The following SDK2 variants were observed in gnomAD, a reference collection of about 807,000 sequenced individuals.
The protein encoded by SDK2 is sidekick cell adhesion molecule 2, also known as protein sidekick-2.
Under a neutral mutation model 253.9 loss-of-function variants are expected in SDK2, and 105 were observed. That is an observed-to-expected ratio of 0.41 (90% confidence interval 0.35 to 0.49). The LOEUF is 0.49. Ranked by LOEUF, SDK2 falls within the 20% of genes least tolerant of loss-of-function variation. The pLI is 0.06. For synonymous variants in SDK2, 1,249 were observed against 1,234.9 expected, an observed-to-expected ratio of 1.01 and a Z score of -0.24; for missense variants, 2,608 against 3,003.0, an observed-to-expected ratio of 0.87 and a Z score of 3.07.
intron 1 of SDK2, among the ~76,000 whole-genome samples, chr17:73,537,872 G>A (rs1020000669): frequency 6.6e-6 from 1 of 152,180 alleles, no homozygotes. Context: ...ATGACACCGC[G>A]GGAAAAATAA....
intron 16 of SDK2, among the ~76,000 whole-genome samples, chr17:73,417,467 CT>C (rs1286162142): frequency 6.6e-6 from 1 of 152,070 alleles, no homozygotes; most frequent in East Asian, 1.9e-4. Flanking sequence ...GTGAGCACCC[CT>C]AGCCCCCACA....
intron 1 of SDK2, among the ~76,000 whole-genome samples, chr17:73,590,970 G>C (rs896808110): frequency 5.9e-5 from 9 of 152,014 alleles, no homozygotes; most frequent in Non-Finnish European, 1.3e-4. Flanking sequence ...CCCAGGCTGG[G>C]GTGCAGTTGC....
intron 1 of SDK2, among the ~76,000 whole-genome samples, chr17:73,529,281 C>T (rs1240425458): frequency 6.6e-6 from 1 of 152,124 alleles, no homozygotes; most frequent in East Asian, 1.9e-4. Flanking sequence ...ACAGAGATTT[C>T]ACTCGGGTCT....
intron 2 of SDK2, among the ~76,000 whole-genome samples, chr17:73,482,554 C>G (rs538491662): frequency 6.6e-6 from 1 of 152,354 alleles, no homozygotes; most frequent in African/African-American, 2.4e-5. Flanking sequence ...TGTTATCGAG[C>G]TGGGGGCCGC....
chr17:73,440,705 C>G (rs1567774702), intron 6 of SDK2, 107 bp downstream of exon 6: 1 of 806,236 alleles, frequency 1.2e-6, no homozygotes, highest in Non-Finnish European at 2.1e-6. Flanking sequence ...CTCCCCTGTC[C>G]TGGATCCTCA....
intron 2 of SDK2, among the ~76,000 whole-genome samples, chr17:73,503,198 C>T (rs74726443): frequency 0.017 from 2,529 of 152,266 alleles, 69 homozygotes; most frequent in African/African-American, 0.056. Flanking sequence ...CGATTAGGTC[C>T]GGCGTTGAAG....
At position 73,618,030 on chromosome 17, in the gene SDK2, G is replaced by A. The variant is rs780173794; in HGVS notation, c.64+25995C>T. 7.2e-5 allele frequency among the ~76,000 whole-genome samples: 11 copies of A among 152,228 alleles called. No homozygotes were observed. The highest frequency in any genetic ancestry group is 1.3e-4 in the Non-Finnish European group (9 of 68,038). Reference sequence around the variant, plus strand: ...ACTAGACCGAACCCACCAGGCCAAGGAGCCAGGGAGGTCCCATGGAGTGTG... The same window carrying A: ...ACTAGACCGAACCCACCAGGCCAAGAAGCCAGGGAGGTCCCATGGAGTGTG... On this transcript the variant is annotated intron_variant, in intron 1 of 44. Transcript: ENST00000392650. This position sits in a 1 kb window ranked among gnomAD's most constrained non-coding sequence, Gnocchi z 4.1.
At chr17:73,345,493 C>A (rs1489536075) in intron 44 of SDK2, among the ~76,000 whole-genome samples, 5 of 152,088 alleles carry the variant, frequency 3.3e-5, no homozygotes, top group Admixed American at 2.0e-4. Context: ...TCTGTCTTGC[C>A]CACTACTGTA....
At chr17:73,607,161 G>A (rs1271642710) in intron 1 of SDK2, among the ~76,000 whole-genome samples, 2 of 152,214 alleles carry the variant, frequency 1.3e-5, no homozygotes, top group African/African-American at 4.8e-5. Flanking sequence ...AAGTGGTGTG[G>A]ACAACAAGTG....
intron 44 of SDK2, among the ~76,000 whole-genome samples, chr17:73,348,274 C>T (rs2062502015): frequency 6.6e-6 from 1 of 152,250 alleles, no homozygotes; most frequent in African/African-American, 2.4e-5. Flanking sequence ...GTCTCCCTCT[C>T]CGCACCTTCA....
chr17:73,514,493 G>C (rs140477200), intron 1 of SDK2, among the ~76,000 whole-genome samples: 81 of 152,264 alleles, frequency 5.3e-4, no homozygotes, highest in African/African-American at 1.9e-3. Flanking sequence ...CAGGGGATTT[G>C]ACTTCCCAGC....
At position 73,395,297 on chromosome 17, in the gene SDK2, G is replaced by A. The variant is rs559909325; in HGVS notation, c.3450C>T (p.His1150=). 13 of 1,613,946 alleles carry A rather than the reference G, an allele frequency of 8.1e-6. No homozygotes were observed. In the East Asian group the frequency reaches 8.9e-5, roughly 11 times the overall value. ...CCCGCTCCACACGGTCCTGCACCAC[G>A]TGGCTCAGCGTCTTGCCATGCCCGT... The part of the protein sequence containing the change: ...RSDGHGKTLS[H]VVQDRVERDY... Residue 1150 remains histidine, a synonymous_variant, in exon 25 of 45, where the codon CAC becomes CAT. Coordinates refer to ENST00000392650, the MANE Select transcript of SDK2 (RefSeq NM_001144952.2). This position sits in a 1 kb window ranked among gnomAD's most constrained non-coding sequence, Gnocchi z 4.3.
chr17:73,612,661 G>GT lies in SDK2; in HGVS notation c.64+31363dup, dbSNP rs1340044553. On this transcript the variant is annotated intron_variant, in intron 1 of 44. Coordinates refer to ENST00000392650, the MANE Select transcript of SDK2 (RefSeq NM_001144952.2). This position sits in a 1 kb window ranked among gnomAD's most constrained non-coding sequence, Gnocchi z 4.4. ...AGGCCAGGCGAGGTGGCTCACACCT[G>GT]TAATCCCAGCATTTTGGGAAGCCCA... Among the ~76,000 whole-genome samples, 1 of 152,172 alleles carries GT rather than the reference G, an allele frequency of 6.6e-6. No homozygotes were observed. The highest frequency in any genetic ancestry group is 1.5e-5 in the Non-Finnish European group (1 of 68,038).
intron 1 of SDK2, among the ~76,000 whole-genome samples, chr17:73,571,976 C>T (rs981530251): frequency 1.3e-5 from 2 of 152,202 alleles, no homozygotes; most frequent in African/African-American, 4.8e-5. Flanking sequence ...CTGGGTGGGC[C>T]AGCACCCTGG....
intron 40 of SDK2, chr17:73,357,222 G>C (rs2062599354): frequency 6.6e-6 from 1 of 152,326 alleles, no homozygotes; most frequent in Non-Finnish European, 1.5e-5. Flanking sequence ...CTGCTATTGG[G>C]ATGATTAGTG....
Position 73,338,848 on chromosome 17 carries a change from C to T in SDK2, c.6258G>A (p.Ser2086=), listed in dbSNP as rs141527901. The part of the protein sequence containing the change: ...HYISDPTYYN[S]WRRQQKGISR... ...AGATGCCCTTCTGCTGTCGCCGCCACGAGTTGTAGTATGTGGGGTCACTGA... is the reference window on the plus strand; with the variant it reads ...AGATGCCCTTCTGCTGTCGCCGCCATGAGTTGTAGTATGTGGGGTCACTGA... The change falls in exon 45 of 45, where the codon TCG becomes TCA. Residue 2086 remains serine (S), a synonymous_variant. Transcript: ENST00000392650. The surrounding 1 kb of genome is among the most constrained non-coding windows in gnomAD (Gnocchi z 5.0). The T allele has an allele frequency of 9.0e-5, 145 of 1,613,958 alleles. No homozygotes were observed. Among genetic ancestry groups the T allele is most frequent in the Non-Finnish European group, 7.1e-5 (84 of 1,179,892 alleles).
In SDK2 at chr17:73,443,936, T is replaced by C. The variant is rs2063433757; in HGVS notation, c.614-3013A>G. On this transcript the variant is annotated intron_variant, in intron 5 of 44. Transcript: ENST00000392650. This position sits in a 1 kb window ranked among gnomAD's most constrained non-coding sequence, Gnocchi z 4.6. ...ACCAGAGATTCTCCACCAAGCGAGA[T>C]GGCCAGGGTCTGTCCTCATGGAGGG... 6.6e-6 allele frequency among the ~76,000 whole-genome samples: 1 copy of C among 152,196 alleles called. No homozygotes were observed. The highest frequency in any genetic ancestry group is 6.5e-5 in the Admixed American group (1 of 15,278).
chr17:73,448,969 T>C (rs987390833), intron 4 of SDK2, among the ~76,000 whole-genome samples: 1 of 152,200 alleles, frequency 6.6e-6, no homozygotes, highest in Non-Finnish European at 1.5e-5. Context: ...CTGGAGTTTC[T>C]ACCTCTTTGA....
At position 73,383,034 on chromosome 17, in the gene SDK2, A is replaced by T. The variant is rs2062844246; in HGVS notation, c.4705+842T>A. ...ACAGAGCGAGACTCTGTCTAAAAAA[A>T]CCCAAAAAACAAAAAAACCTCAAGT... On this transcript the variant is annotated intron_variant, in intron 33 of 44. Coordinates refer to ENST00000392650, the MANE Select transcript of SDK2 (RefSeq NM_001144952.2). This position sits in a 1 kb window ranked among gnomAD's most constrained non-coding sequence, Gnocchi z 4.3. Among the ~76,000 whole-genome samples the T allele has an allele frequency of 6.6e-6, 1 of 152,122 alleles. No individual in the cohort carries two copies. The highest frequency in any genetic ancestry group is 1.5e-5 in the Non-Finnish European group (1 of 68,016).
Sources: allele counts gnomAD v4.1 joint callset (sites outside exome capture counted in the v4.1 genomes callset), GRCh38; gene constraint gnomAD v4.1.1; non-coding constraint Gnocchi (gnomAD v3.1); transcripts MANE v1.5; gene names NCBI Gene and HGNC (gene_info 2026-07-23, HGNC 2026-07-21).